NFX1: variants seen among roughly 807,000 people sequenced by gnomAD.
NFX1 encodes the protein transcriptional repressor NF-X1.
Under a neutral mutation model 137.2 loss-of-function variants are expected in NFX1, and 69 were observed. The observed-to-expected ratio is 0.50, with a 90% CI of 0.41 to 0.61. The LOEUF (loss-of-function observed/expected upper bound fraction) is 0.61. Ranked by LOEUF, NFX1 falls within the 20% of genes least tolerant of loss-of-function variation. The probability of loss-of-function intolerance (pLI) is 0.00; values close to 1 mark genes in which losing one functional copy is unlikely to be tolerated. For missense variants in NFX1, 1,167 were observed against 1,391.0 expected (o/e 0.84, Z 2.56); for synonymous variants, 495 against 474.1 (o/e 1.04, Z -0.57).
chr9:33,313,895 A>G (rs1312333468), intron 7 of NFX1, 102 bp downstream of exon 7: 4 of 1,223,866 alleles, frequency 3.3e-6, no homozygotes, highest in East Asian at 2.4e-5. Context: ...TTTTAGTCAC[A>G]AAGACCTTGA....
At chr9:33,304,005 G>C (rs747780580) in intron 4 of NFX1, among the ~76,000 whole-genome samples, 1 of 152,198 alleles carries the variant, frequency 6.6e-6, no homozygotes. Flanking sequence ...AGTGGCTCAC[G>C]CCTGTAATCC....
chr9:33,333,122 A>C (rs936496294), intron 11 of NFX1, among the ~76,000 whole-genome samples: 1 of 152,002 alleles, frequency 6.6e-6, no homozygotes, highest in African/African-American at 2.4e-5. Flanking sequence ...TTGGGATTAC[A>C]GGCATGAGTC....
intron 21 of NFX1, 80 bp from the exon 22 acceptor site, chr9:33,366,548 AT>A: frequency 6.5e-7 from 1 of 1,537,506 alleles, no homozygotes; most frequent in Middle Eastern, 1.7e-4. Context: ...GATCCCTGCA[AT>A]TCTTGTGTGG....
intron 11 of NFX1, among the ~76,000 whole-genome samples, chr9:33,336,095 T>G (rs553784800): frequency 7.9e-5 from 12 of 152,330 alleles, no homozygotes; most frequent in Admixed American, 3.9e-4. Context: ...GTGTTTAATT[T>G]TTTTGAAAAA....
At chr9:33,363,786 C>T (rs755980130) in intron 19 of NFX1, among the ~76,000 whole-genome samples, 3 of 152,220 alleles carry the variant, frequency 2.0e-5, no homozygotes, top group African/African-American at 2.4e-5. Flanking sequence ...CCCCAGTGTT[C>T]AGCCTATGAC....
In NFX1 at chr9:33,370,048, C is replaced by T; in HGVS notation, c.*70C>T. ...GAGACTTATTTGCCAGCAGATAAAT[C>T]ATGCCCGTTCCCCTCTGCCTGGCAG... On this transcript the variant is annotated 3_prime_UTR_variant, in exon 24 of 24. Coordinates refer to ENST00000379540, the MANE Select transcript of NFX1 (RefSeq NM_002504.6). 1 of 1,187,526 alleles carries T rather than the reference C, an allele frequency of 8.4e-7. No individual in the cohort carries two copies. Among genetic ancestry groups the T allele is most frequent in the Non-Finnish European group, 1.2e-6 (1 of 806,486 alleles). The allele number at this position is 1,187,526 out of a possible 1,614,324, so 73.6% of individuals were successfully genotyped here. A position where few individuals can be genotyped will look rare whatever the true frequency, so the allele number is the denominator to read the frequency against.
At chr9:33,292,716 G>A (rs770749592) in intron 1 of NFX1, among the ~76,000 whole-genome samples, 2 of 152,078 alleles carry the variant, frequency 1.3e-5, no homozygotes, top group Non-Finnish European at 1.5e-5. Flanking sequence ...AGTACATGCA[G>A]CCTTCTCTGG....
chr9:33,304,133 A>G (rs541936423), intron 4 of NFX1, among the ~76,000 whole-genome samples: 3 of 152,278 alleles, frequency 2.0e-5, no homozygotes. Flanking sequence ...ATAGTGTTGC[A>G]TGTCTGTAAT....
intron 11 of NFX1, among the ~76,000 whole-genome samples, chr9:33,335,227 C>CTTTTTTTTT (rs57459026): frequency 1.5e-5 from 2 of 130,510 alleles, no homozygotes; most frequent in African/African-American, 6.4e-5. Context: ...CTTTCTTTTT[C>CTTTTTTTTT]TTTTTTTTTT....
intron 11 of NFX1, among the ~76,000 whole-genome samples, chr9:33,336,958 C>T (rs1057499765): frequency 3.9e-5 from 6 of 152,046 alleles, no homozygotes; most frequent in Non-Finnish European, 8.8e-5. Flanking sequence ...AAAAAATTAG[C>T]CGGCATGGTG....
Position 33,291,639 on chromosome 9 carries a change from C to G in NFX1, c.25+1042C>G, listed in dbSNP as rs551157898. Among the ~76,000 whole-genome samples the G allele has an allele frequency of 4.2e-3, 646 of 152,360 alleles. 4 individuals are homozygous for G. Among genetic ancestry groups the G allele is most frequent in the Non-Finnish European group, 6.9e-3 (469 of 68,040 alleles). ...AAAGTTAGGGCCGGGCGTGGTGGCT[C>G]ACGCCTGTAATCCTAGCACTTTGGG... On this transcript the variant is annotated intron_variant, in intron 1 of 23. Coordinates refer to ENST00000379540, the MANE Select transcript of NFX1 (RefSeq NM_002504.6).
chr9:33,311,328 A>G, intron 6 of NFX1, 151 bp downstream of exon 6: 1 of 767,310 alleles, frequency 1.3e-6, no homozygotes, highest in Admixed American at 2.5e-5. Flanking sequence ...AGTTTATTAA[A>G]AAGCTTTAGA....
chr9:33,351,880 C>A, intron 16 of NFX1, 90 bp downstream of exon 16: 1 of 1,116,176 alleles, frequency 9.0e-7, no homozygotes. Flanking sequence ...CCTGGGCATG[C>A]ATCTTAATTA....
At chr9:33,309,158 C>T (rs1240605692) in intron 5 of NFX1, among the ~76,000 whole-genome samples, 3 of 152,094 alleles carry the variant, frequency 2.0e-5, no homozygotes, top group African/African-American at 7.2e-5. Flanking sequence ...GAGATCGAGA[C>T]CATCCTGGCT....
chr9:33,327,716 T>C (rs1174210643), intron 9 of NFX1, among the ~76,000 whole-genome samples: 3 of 152,006 alleles, frequency 2.0e-5, no homozygotes, highest in African/African-American at 7.3e-5. Context: ...AGTTAAAGAA[T>C]AGAAAAAGTA....
Position 33,295,434 on chromosome 9 carries a change from C to T in NFX1, c.1033+7C>T, listed in dbSNP as rs1294985920. Reference sequence around the variant, plus strand: ...AATGTGGAAACGCACACAGGTAAACCTACCTAGATAGGAAATATTTTGTTG... The same window carrying T: ...AATGTGGAAACGCACACAGGTAAACTTACCTAGATAGGAAATATTTTGTTG... On this transcript the variant is annotated splice_region_variant and intron_variant, in intron 2 of 23. Transcript: ENST00000379540. 1 of 1,590,400 alleles carries T rather than the reference C, an allele frequency of 6.3e-7. No homozygotes were observed.
chr9:33,348,610 C>T (rs1823522235), intron 15 of NFX1: 1 of 222,320 alleles, frequency 4.5e-6, no homozygotes, highest in African/African-American at 2.3e-5. Flanking sequence ...ACGAAATGAG[C>T]ATGTGCTGTT....
rs754231208 is a variant in NFX1, at chr9:33,328,604, C to A, written c.1930C>A (p.Leu644Ile). The part of the protein sequence containing the change: ...SLDFIHTCEK[L>I]CHEGDCGPCS... ...AGATTTCATTCATACCTGTGAAAAG[C>A]TCTGCCATGAAGGAGACTGTGGACC... is the stretch of plus-strand genomic sequence containing the variant. The change falls in exon 10 of 24, where the codon CTC becomes ATC. Residue 644 changes from leucine to isoleucine, a missense_variant. Leu to Ile is a conservative substitution (Grantham distance 5). Transcript: ENST00000379540. 1.9e-6 allele frequency: 3 copies of A among 1,611,374 alleles called. No homozygotes were observed. In the African/African-American group the frequency reaches 4.0e-5, roughly 22 times the overall value.
Position 33,302,440 on chromosome 9 carries a change from C to T in NFX1, c.1193-751C>T, listed in dbSNP as rs149999535. Among the ~76,000 whole-genome samples, 834 of 146,272 alleles carry T rather than the reference C, an allele frequency of 5.7e-3. 4 individuals carry two copies. The highest frequency in any genetic ancestry group is 9.4e-3 in the Non-Finnish European group (630 of 67,278). On this transcript the variant is annotated intron_variant, in intron 3 of 23. Transcript: ENST00000379540. ...CCAGTGGTGTGATCATGTCTCACTG[C>T]AGCCTTGAATTCCTGGACTCAAATG...
Sources: gnomAD v4.1 joint callset for allele counts (sites outside exome capture counted in the v4.1 genomes callset) on GRCh38, gnomAD v4.1.1 for gene constraint, MANE v1.5 for transcripts, NCBI Gene and HGNC (gene_info 2026-07-23, HGNC 2026-07-21) for gene names.